The following HTR4 variants were observed in gnomAD, a reference collection of about 807,000 sequenced individuals.
The protein encoded by HTR4 is 5-hydroxytryptamine (serotonin) receptor 4, G protein-coupled.
In HTR4, 16 loss-of-function variants were observed where a neutral mutation model predicts 36.8. That is an observed-to-expected ratio of 0.43 (90% confidence interval 0.29 to 0.66). The LOEUF (loss-of-function observed/expected upper bound fraction) is 0.66, where lower values mean the gene tolerates loss of function less well. Ranked by LOEUF, HTR4 falls within the 30% of genes least tolerant of loss-of-function variation. HTR4 has a pLI of 0.13. For synonymous variants in HTR4, 189 were observed against 185.1 expected, an observed-to-expected ratio of 1.02 and a Z score of -0.17; for missense variants, 438 against 490.9, an observed-to-expected ratio of 0.89 and a Z score of 1.02.
intron 5 of HTR4, among the ~76,000 whole-genome samples, chr5:148,452,292 A>G (rs1230179317): frequency 6.6e-6 from 1 of 152,222 alleles, no homozygotes; most frequent in Admixed American, 6.5e-5. Context: ...CCATGGGAAT[A>G]TAGGTCATAC....
At chr5:148,614,480 G>A (rs960023028) in intron 2 of HTR4, among the ~76,000 whole-genome samples, 1 of 152,186 alleles carries the variant, frequency 6.6e-6, no homozygotes, top group Non-Finnish European at 1.5e-5. Context: ...CTAGCCATAT[G>A]TAGAAAGCTG....
At chr5:148,484,281 G>A in intron 6 of HTR4, 1 of 1,613,616 alleles carries the variant, frequency 6.2e-7, no homozygotes, top group South Asian at 1.1e-5. Flanking sequence ...CTTCCTTGCA[G>A]TCAAACATCT....
At chr5:148,589,764 G>C (rs557775496) in intron 2 of HTR4, among the ~76,000 whole-genome samples, 1 of 151,902 alleles carries the variant, frequency 6.6e-6, no homozygotes, top group South Asian at 2.1e-4. Context: ...CATACAATAT[G>C]TGATATTTTA....
chr5:148,581,761 C>T (rs1761144526), intron 2 of HTR4, among the ~76,000 whole-genome samples: 1 of 152,054 alleles, frequency 6.6e-6, no homozygotes, highest in South Asian at 2.1e-4. Flanking sequence ...ATTCTCAAAT[C>T]AGAAATTTTG....
At chr5:148,571,330 G>A (rs1760669783) in intron 2 of HTR4, among the ~76,000 whole-genome samples, 2 of 152,014 alleles carry the variant, frequency 1.3e-5, no homozygotes, top group South Asian at 2.1e-4. Flanking sequence ...GGTAGTTGTC[G>A]TGTCCATGGT....
Position 148,654,247 on chromosome 5 carries a change from G to A in HTR4, c.-233C>T. The A allele has an allele frequency of 1.0e-6, 1 of 985,272 alleles. No individual in the cohort carries two copies. The highest frequency in any genetic ancestry group is 1.2e-6 in the Non-Finnish European group (1 of 829,882). 61.0% of individuals were successfully genotyped at this position (985,272 alleles called of 1,614,324 possible). ...GGGAGCCGGCGAGCGTGAGGCGCGG[G>A]CCAGGGGCTGCGGGCGCAGGACCCC... On this transcript the variant is annotated 5_prime_UTR_variant, in exon 1 of 7. Coordinates refer to ENST00000377888, the MANE Select transcript of HTR4 (RefSeq NM_000870.7).
At chr5:148,611,642 A>C in intron 2 of HTR4, among the ~76,000 whole-genome samples, 1 of 149,718 alleles carries the variant, frequency 6.7e-6, no homozygotes, top group African/African-American at 2.5e-5. Flanking sequence ...TCACCAGCTA[A>C]CATCATAATG....
intron 2 of HTR4, among the ~76,000 whole-genome samples, chr5:148,557,213 A>C (rs1174154991): frequency 6.6e-6 from 1 of 152,110 alleles, no homozygotes; most frequent in Non-Finnish European, 1.5e-5. Context: ...TTTCTGCAGG[A>C]GTCCAGGTAA....
intron 4 of HTR4, among the ~76,000 whole-genome samples, chr5:148,534,852 G>A (rs563805665): frequency 2.0e-5 from 3 of 152,102 alleles, no homozygotes; most frequent in South Asian, 2.1e-4. Flanking sequence ...CACTACTAAG[G>A]TCCCTTCCTC....
chr5:148,552,227 T>C (rs1273579901), intron 2 of HTR4, among the ~76,000 whole-genome samples: 1 of 152,194 alleles, frequency 6.6e-6, no homozygotes, highest in Non-Finnish European at 1.5e-5. Context: ...AGTATTTTTA[T>C]AGGCAGATTG....
At chr5:148,522,183 C>T (rs971436883) in intron 5 of HTR4, among the ~76,000 whole-genome samples, 1 of 152,154 alleles carries the variant, frequency 6.6e-6, no homozygotes, top group Non-Finnish European at 1.5e-5. Flanking sequence ...TGTGAGGCCT[C>T]CCCAGGCATG....
intron 2 of HTR4, among the ~76,000 whole-genome samples, chr5:148,608,136 C>G (rs999745050): frequency 6.6e-6 from 1 of 152,164 alleles, no homozygotes; most frequent in Non-Finnish European, 1.5e-5. Flanking sequence ...CAAGCGATAA[C>G]TAAGGCTACT....
At chr5:148,520,804 G>T in intron 5 of HTR4, 2 of 1,176,706 alleles carry the variant, frequency 1.7e-6, no homozygotes, top group Admixed American at 2.2e-5. Context: ...TGGTGAAACT[G>T]ACAGTTTAAA....
At position 148,451,224 on chromosome 5, in the gene HTR4, G is replaced by C. The variant is rs766384809; in HGVS notation, c.1125C>G (p.Pro375=). The C allele has an allele frequency of 2.5e-6, 4 of 1,613,764 alleles. No individual in the cohort carries two copies. The Admixed American group carries it at 5.0e-5, about 20-fold the overall frequency. Residue 375 remains proline, a synonymous_variant, in exon 6 of 6, where the codon CCC becomes CCG. Coordinates refer to the HTR4 transcript ENST00000521530. ...CCAGGGATTCTGGGTCATTGTGTATGGGCAGTTTCTCGAGTTCCTGATGAT... is the reference window on the plus strand; with the variant it reads ...CCAGGGATTCTGGGTCATTGTGTATCGGCAGTTTCTCGAGTTCCTGATGAT...
chr5:148,483,982 A>G (rs1164597294), intron 6 of HTR4, among the ~76,000 whole-genome samples: 1 of 149,846 alleles, frequency 6.7e-6, no homozygotes, highest in South Asian at 2.1e-4. Flanking sequence ...TATTTATTTG[A>G]GCCAAAATAT....
chr5:148,457,385 C>T lies in HTR4; in HGVS notation c.1077-6113G>A, dbSNP rs192480841. Among the ~76,000 whole-genome samples, 783 of 152,090 alleles carry T rather than the reference C, an allele frequency of 5.1e-3. 2 individuals carry two copies. The highest frequency in any genetic ancestry group is 0.014 in the Middle Eastern group (4 of 294). On this transcript the variant is annotated intron_variant, in intron 5 of 5. Coordinates refer to the HTR4 transcript ENST00000521530. ...ATTTACTCAAACATGACGGGAGCCA[C>T]ATTAGATTTGGTAATTACCTGAGTC... is the stretch of plus-strand genomic sequence containing the variant.
At chr5:148,466,118 C>T (rs1755420302) in intron 5 of HTR4, among the ~76,000 whole-genome samples, 1 of 152,172 alleles carries the variant, frequency 6.6e-6, no homozygotes, top group Non-Finnish European at 1.5e-5. Flanking sequence ...GGTTATGCCA[C>T]AGTGTACGTC....
chr5:148,488,046 T>A (rs922690240), intron 6 of HTR4, among the ~76,000 whole-genome samples: 1 of 152,162 alleles, frequency 6.6e-6, no homozygotes, highest in African/African-American at 2.4e-5. Flanking sequence ...ATAGAATTCT[T>A]GGGTATTGTT....
chr5:148,542,721 T>G (rs1748683077), intron 4 of HTR4, among the ~76,000 whole-genome samples: 1 of 152,146 alleles, frequency 6.6e-6, no homozygotes, highest in Admixed American at 6.5e-5. Flanking sequence ...TAAAAATGGT[T>G]AAAAGTCTGA....
Sources: allele counts gnomAD v4.1 joint callset (sites outside exome capture counted in the v4.1 genomes callset), GRCh38; gene constraint gnomAD v4.1.1; transcripts MANE v1.5; gene names NCBI Gene and HGNC (gene_info 2026-07-23, HGNC 2026-07-21).